The following FHIT variants were observed in gnomAD, a reference collection of about 807,000 sequenced individuals.
FHIT encodes fragile histidine triad diadenosine triphosphatase.
In FHIT, 19 loss-of-function variants were observed where a neutral mutation model predicts 17.9. The observed-to-expected ratio is 1.06, with a 90% CI of 0.74 to 1.56. The LOEUF (loss-of-function observed/expected upper bound fraction) is 1.56, where lower values mean the gene tolerates loss of function less well. FHIT is among the 40% of genes most tolerant of loss of function. The probability of loss-of-function intolerance (pLI) is 0.00; values close to 1 mark genes in which losing one functional copy is unlikely to be tolerated. For synonymous variants in FHIT, 81 were observed against 69.7 expected (o/e 1.16, Z -0.81); for missense variants, 248 against 189.2 (o/e 1.31, Z -1.82).
rs143731404 is a variant in FHIT at position 61,004,924 on chromosome 3, A to G, written c.-111+37123T>C. On this transcript the variant is annotated intron_variant, in intron 3 of 9. Coordinates refer to ENST00000492590, the MANE Select transcript of FHIT (RefSeq NM_002012.4). ...ATGAGAAATGTAAGTTGTTAAATAT[A>G]TAATATGGGATATTTTTCATTATAC... Among the ~76,000 whole-genome samples the G allele has an allele frequency of 7.9e-5, 12 of 152,340 alleles. No homozygotes were observed. The East Asian group carries it at 2.3e-3, about 29-fold the overall frequency.
chr3:60,338,717 G>A (rs1478327019), intron 5 of FHIT, among the ~76,000 whole-genome samples: 1 of 152,198 alleles, frequency 6.6e-6, no homozygotes, highest in African/African-American at 2.4e-5. Context: ...CAGCACCAGT[G>A]AATACAGAAG....
intron 7 of FHIT, among the ~76,000 whole-genome samples, chr3:59,971,484 T>A (rs1442886441): frequency 1.5e-5 from 2 of 137,184 alleles, no homozygotes; most frequent in Non-Finnish European, 3.3e-5. Flanking sequence ...TAAGGTTTCA[T>A]GGGTTCATAA....
At chr3:60,582,892 G>C (rs1055995388) in intron 4 of FHIT, among the ~76,000 whole-genome samples, 1 of 151,972 alleles carries the variant, frequency 6.6e-6, no homozygotes, top group African/African-American at 2.4e-5. Flanking sequence ...CTAAAGCTGA[G>C]AAGTGTTCAA....
intron 4 of FHIT, among the ~76,000 whole-genome samples, chr3:60,672,251 A>G (rs1235538992): frequency 6.6e-6 from 1 of 152,184 alleles, no homozygotes; most frequent in African/African-American, 2.4e-5. Flanking sequence ...TGTGTGAGCA[A>G]CATGGCTGTT....
At chr3:59,864,767 G>A (rs1702563289) in intron 8 of FHIT, among the ~76,000 whole-genome samples, 5 of 151,770 alleles carry the variant, frequency 3.3e-5, no homozygotes, top group Admixed American at 3.3e-4. Flanking sequence ...AGAAGGAAGA[G>A]GGGGCATTCA....
chr3:60,572,862 C>T (rs561124954), intron 4 of FHIT, among the ~76,000 whole-genome samples: 7 of 152,250 alleles, frequency 4.6e-5, no homozygotes, highest in African/African-American at 1.4e-4. Flanking sequence ...GTCAGCAACT[C>T]GCAGAGTTCT....
intron 3 of FHIT, among the ~76,000 whole-genome samples, chr3:60,900,183 A>G (rs1553762859): frequency 1.3e-5 from 2 of 152,160 alleles, no homozygotes; most frequent in African/African-American, 2.4e-5. Flanking sequence ...ATCATCTCCA[A>G]CTTGGTCAAG....
At chr3:60,070,472 G>A (rs1207854275) in intron 5 of FHIT, among the ~76,000 whole-genome samples, 1 of 152,238 alleles carries the variant, frequency 6.6e-6, no homozygotes, top group Non-Finnish European at 1.5e-5. Context: ...CGATGATACA[G>A]CTTTCATTAA....
intron 7 of FHIT, among the ~76,000 whole-genome samples, chr3:60,008,791 C>T (rs565362129): frequency 6.6e-6 from 1 of 152,346 alleles, no homozygotes; most frequent in South Asian, 2.1e-4. Flanking sequence ...CACAACTGGA[C>T]AGCTGAATAT....
chr3:60,378,604 T>C (rs1700673078), intron 5 of FHIT, among the ~76,000 whole-genome samples: 1 of 152,242 alleles, frequency 6.6e-6, no homozygotes, highest in Non-Finnish European at 1.5e-5. Context: ...AGGAAGTATC[T>C]TTCAAAAGTA....
At chr3:61,185,406 C>G (rs2107184946) in intron 2 of FHIT, among the ~76,000 whole-genome samples, 1 of 152,234 alleles carries the variant, frequency 6.6e-6, no homozygotes, top group African/African-American at 2.4e-5. Context: ...AAAGCAGTGG[C>G]CAAGCAGACA....
At chr3:61,249,979 CACACACACACAA>C (rs1297905973) in intron 1 of FHIT, among the ~76,000 whole-genome samples, 244 of 135,082 alleles carry the variant, frequency 1.8e-3, no homozygotes, top group African/African-American at 6.7e-3. Context: ...CACACACACA[CACACACACACAA>C]ACCCTAGACT....
chr3:60,215,948 C>T (rs2107525357), intron 5 of FHIT, among the ~76,000 whole-genome samples: 1 of 152,160 alleles, frequency 6.6e-6, no homozygotes, highest in African/African-American at 2.4e-5. Context: ...TAGTCAGTTA[C>T]CATGATAAAT....
chr3:60,961,588 C>T (rs1319839355), intron 3 of FHIT, among the ~76,000 whole-genome samples: 1 of 152,102 alleles, frequency 6.6e-6, no homozygotes, highest in Non-Finnish European at 1.5e-5. Context: ...TTTAATCCAC[C>T]TTGAATTAAT....
At chr3:60,332,666 G>C (rs1710043953) in intron 5 of FHIT, among the ~76,000 whole-genome samples, 1 of 152,122 alleles carries the variant, frequency 6.6e-6, no homozygotes, top group Admixed American at 6.6e-5. Context: ...GATGTGAAAA[G>C]GCAACTATTT....
chr3:60,181,630 G>GT (rs1171798162), intron 5 of FHIT, among the ~76,000 whole-genome samples: 1 of 152,198 alleles, frequency 6.6e-6, no homozygotes, highest in Non-Finnish European at 1.5e-5. Flanking sequence ...GTAAAGACAT[G>GT]TTTAATAAGC....
chr3:60,160,085 G>A (rs1016308145), intron 5 of FHIT, among the ~76,000 whole-genome samples: 2 of 151,984 alleles, frequency 1.3e-5, no homozygotes, highest in Admixed American at 6.6e-5. Context: ...TGTGCTGCAT[G>A]ACTCAAATGT....
chr3:60,319,365 G>A (rs79398703), intron 5 of FHIT, among the ~76,000 whole-genome samples: 1,790 of 151,914 alleles, frequency 0.012, 37 homozygotes, highest in African/African-American at 0.041. Context: ...ACCTTCAAAG[G>A]ATCTGCTGAC....
At chr3:60,144,280 G>A (rs1022086202) in intron 5 of FHIT, among the ~76,000 whole-genome samples, 1 of 152,164 alleles carries the variant, frequency 6.6e-6, no homozygotes, top group African/African-American at 2.4e-5. Context: ...AGTAATAGCT[G>A]AATCCCATTG....
Sources: allele counts gnomAD v4.1 joint callset (sites outside exome capture counted in the v4.1 genomes callset), GRCh38; gene constraint gnomAD v4.1.1; transcripts MANE v1.5; gene names NCBI Gene and HGNC (gene_info 2026-07-23, HGNC 2026-07-21).